The following GARIN1B variants were observed in gnomAD, a reference collection of about 807,000 sequenced individuals.
GARIN1B encodes golgi associated RAB2 interactor 1B.
the GARIN1B span, among the ~76,000 whole-genome samples, chr7:128,709,564 C>T: frequency 6.6e-6 from 1 of 152,066 alleles, no homozygotes; most frequent in Non-Finnish European, 1.5e-5. Context: ...TTTCATTGTC[C>T]TATGCCATCT....
At chr7:128,731,287 G>T in the GARIN1B span, 1 of 703,368 alleles carries the variant, frequency 1.4e-6, no homozygotes, top group South Asian at 1.6e-5. Context: ...CCACGTCCTC[G>T]CCACTGCACC....
chr7:128,722,498 G>T, the GARIN1B span, among the ~76,000 whole-genome samples: 32 of 152,262 alleles, frequency 2.1e-4, no homozygotes, highest in African/African-American at 7.0e-4. Flanking sequence ...ATTTCTTAGA[G>T]AAATTAAGTT....
the GARIN1B span, among the ~76,000 whole-genome samples, chr7:128,721,512 C>CTA: frequency 6.7e-6 from 1 of 149,874 alleles, no homozygotes; most frequent in African/African-American, 2.4e-5. Context: ...CATACACACA[C>CTA]CACACACACA....
the GARIN1B span, chr7:128,719,211 G>A: frequency 2.6e-6 from 2 of 779,834 alleles, no homozygotes; most frequent in Non-Finnish European, 4.0e-6. Flanking sequence ...GCTTTATTGA[G>A]TATCATTTAG....
chr7:128,710,772 C>T, the GARIN1B span, among the ~76,000 whole-genome samples: 1 of 151,856 alleles, frequency 6.6e-6, no homozygotes, highest in Non-Finnish European at 1.5e-5. Flanking sequence ...GCAACCTCCG[C>T]CTCCCTGAGT....
chr7:128,724,634 C>T, the GARIN1B span: 2 of 1,016,806 alleles, frequency 2.0e-6, no homozygotes, highest in Non-Finnish European at 2.6e-6. Context: ...AATATTCAGT[C>T]CCAGATAAAG....
At chr7:128,727,417 G>C in the GARIN1B span, among the ~76,000 whole-genome samples, 1 of 152,198 alleles carries the variant, frequency 6.6e-6, no homozygotes, top group African/African-American at 2.4e-5. Flanking sequence ...GGGAGGCATG[G>C]TTTCTGAACT....
chr7:128,715,156 C>G, the GARIN1B span: 1 of 689,184 alleles, frequency 1.5e-6, no homozygotes, highest in Non-Finnish European at 1.8e-6. Context: ...TTGCTTTCTG[C>G]CTGGCTCACT....
the GARIN1B span, among the ~76,000 whole-genome samples, chr7:128,717,731 G>A: frequency 7.4e-5 from 11 of 149,360 alleles, no homozygotes; most frequent in East Asian, 2.0e-4. Flanking sequence ...ACGGGCGTGA[G>A]CCACTGTGCC....
chr7:128,711,992 G>C, the GARIN1B span, among the ~76,000 whole-genome samples: 1 of 152,176 alleles, frequency 6.6e-6, no homozygotes, highest in Admixed American at 6.5e-5. Context: ...AGTGAGCCAA[G>C]ACCATACCAT....
chr7:128,711,638 G>A, the GARIN1B span, among the ~76,000 whole-genome samples: 4 of 147,450 alleles, frequency 2.7e-5, no homozygotes, highest in African/African-American at 1.0e-4. Flanking sequence ...TTTAAAGTAT[G>A]ATCTCATTTT....
the GARIN1B span, chr7:128,726,847 G>A: frequency 3.1e-6 from 5 of 1,614,060 alleles, no homozygotes; most frequent in Non-Finnish European, 4.2e-6. Context: ...CAGCAGAAAG[G>A]TGGAGACCAA....
the GARIN1B span, among the ~76,000 whole-genome samples, chr7:128,720,201 T>C: frequency 2.3e-4 from 29 of 128,132 alleles, no homozygotes; most frequent in African/African-American, 8.7e-4. Flanking sequence ...TTTTTCCTTC[T>C]TCTTTTTTTT....
chr7:128,722,149 C>G, the GARIN1B span, among the ~76,000 whole-genome samples: 3 of 152,214 alleles, frequency 2.0e-5, no homozygotes, highest in African/African-American at 7.2e-5. Flanking sequence ...ATTCCCTCCT[C>G]TATTTTCTGA....
chr7:128,714,603 T>C, the GARIN1B span, among the ~76,000 whole-genome samples: 151,974 of 152,040 alleles, frequency 1, 75,954 homozygotes, highest in Non-Finnish European at 1. Context: ...ATTTAGAATT[T>C]GGTCCAAATT....
At chr7:128,729,916 C>T in the GARIN1B span, 8 of 1,613,564 alleles carry the variant, frequency 5.0e-6, no homozygotes, top group Middle Eastern at 1.6e-4. Context: ...AGATTCTTCC[C>T]GTGAAGACAG....
chr7:128,710,455 T>C, the GARIN1B span, among the ~76,000 whole-genome samples: 2 of 152,246 alleles, frequency 1.3e-5, no homozygotes, highest in South Asian at 2.1e-4. Context: ...ACTCAATCTG[T>C]ATGTTGGATC....
the GARIN1B span, among the ~76,000 whole-genome samples, chr7:128,725,338 TTTCC>T: frequency 0.014 from 2,152 of 149,516 alleles, 27 homozygotes; most frequent in East Asian, 0.059. Context: ...ATCAAATCAC[TTTCC>T]TTCCTTCCTT....
chr7:128,725,819 A>G, the GARIN1B span, among the ~76,000 whole-genome samples: 1 of 146,256 alleles, frequency 6.8e-6, no homozygotes, highest in Non-Finnish European at 1.5e-5. Context: ...ACACAAAATT[A>G]GACACTGTGC....
Sources: gnomAD v4.1 joint callset for allele counts (sites outside exome capture counted in the v4.1 genomes callset) on GRCh38, gnomAD v4.1.1 for gene constraint, MANE v1.5 for transcripts, NCBI Gene and HGNC (gene_info 2026-07-23, HGNC 2026-07-21) for gene names.